The following KMT2E variants were observed in gnomAD, a reference collection of about 807,000 sequenced individuals.
KMT2E encodes the protein histone reader KMT2E.
Under a neutral mutation model 184.6 loss-of-function variants are expected in KMT2E, and 30 were observed. The observed-to-expected ratio is 0.16, with a 90% CI of 0.12 to 0.22. The LOEUF is 0.22. Ranked by LOEUF, KMT2E falls within the 10% of genes least tolerant of loss-of-function variation. The pLI is 1.00. For missense variants in KMT2E, 2,023 were observed against 2,237.4 expected (o/e 0.90, Z 1.93); for synonymous variants, 815 against 776.5 (o/e 1.05, Z -0.82).
At chr7:105,108,705 T>C (rs1799016615) in intron 22 of KMT2E, 2 of 491,018 alleles carry the variant, frequency 4.1e-6, no homozygotes, top group Non-Finnish European at 7.5e-6. Context: ...GGGATGATAA[T>C]ATACCTATTT....
chr7:105,113,142 C>T lies in KMT2E; in HGVS notation c.5386C>T (p.Gln1796Ter), dbSNP rs1799402262. 1.3e-5 allele frequency: 21 copies of T among 1,614,190 alleles called. No individual in the cohort carries two copies. The highest frequency in any genetic ancestry group is 1.8e-5 in the Non-Finnish European group (21 of 1,180,038). Reference protein sequence around the residue: ...CPLPVTGPHLQPQGPNSIPTP... With the variant: ...CPLPVTGPHL ...ATTACCTGTCACAGGTCCTCATCTCCAGCCCCAAGGACCAAACAGTATTCC... is the reference window on the plus strand; with the variant it reads ...ATTACCTGTCACAGGTCCTCATCTCTAGCCCCAAGGACCAAACAGTATTCC... Residue 1796 changes from glutamine (Q) to a stop codon, truncating the protein, a stop_gained, in exon 27 of 27, where the codon CAG becomes TAG. Coordinates refer to ENST00000311117, the MANE Select transcript of KMT2E (RefSeq NM_182931.3). LOFTEE classifies it high-confidence loss of function.
At chr7:105,052,750 T>G (rs1250185654) in intron 3 of KMT2E, among the ~76,000 whole-genome samples, 1 of 151,702 alleles carries the variant, frequency 6.6e-6, no homozygotes, top group Admixed American at 6.6e-5. Flanking sequence ...TTTTTATTTT[T>G]TTTATTTTTA....
chr7:105,041,230 C>A (rs1795865560), intron 3 of KMT2E, among the ~76,000 whole-genome samples: 2 of 151,730 alleles, frequency 1.3e-5, no homozygotes, highest in Admixed American at 1.3e-4. Context: ...ATAGCATTAC[C>A]ACTAATATTC....
At chr7:105,073,082 TTC>T (rs1347554538) in intron 6 of KMT2E, among the ~76,000 whole-genome samples, 1 of 151,684 alleles carries the variant, frequency 6.6e-6, no homozygotes, top group African/African-American at 2.4e-5. Flanking sequence ...GCTTTAAATA[TTC>T]TGTTTGAAAA....
chr7:105,105,247 A>G, intron 17 of KMT2E, 192 bp from the exon 18 acceptor site: 1 of 429,884 alleles, frequency 2.3e-6, no homozygotes, highest in African/African-American at 2.0e-5. Context: ...TAATTGGGTA[A>G]AAAGTTTCAG....
rs542916850 is a variant in KMT2E at position 105,062,196 on chromosome 7, T to C, written c.104T>C (p.Val35Ala). Residue 35 changes from valine (V) to alanine (A), a missense_variant, in exon 4 of 27, where the codon GTT (valine) becomes GCT (alanine). Physicochemically the swap from Val to Ala is moderately conservative, Grantham distance 64. Transcript: ENST00000311117. Reference sequence around the variant, plus strand: ...TCCGTAGAAGCTAGCCCTGTGGTAGTTGAGAAATCCAACAGTTATCCCCAC... The same window carrying C: ...TCCGTAGAAGCTAGCCCTGTGGTAGCTGAGAAATCCAACAGTTATCCCCAC... Reference protein sequence around the residue: ...PESVEASPVVVEKSNSYPHQL... With the variant: ...PESVEASPVVAEKSNSYPHQL... 3.5e-5 allele frequency: 56 copies of C among 1,613,414 alleles called. No homozygotes were observed. In the South Asian group the frequency reaches 5.3e-4, roughly 15 times the overall value.
intron 3 of KMT2E, among the ~76,000 whole-genome samples, chr7:105,055,353 C>T (rs888829343): frequency 1.3e-5 from 2 of 151,464 alleles, no homozygotes; most frequent in Non-Finnish European, 2.9e-5. Context: ...TGTGCCTGGC[C>T]CTCTGTATAG....
intron 15 of KMT2E, among the ~76,000 whole-genome samples, chr7:105,099,135 G>A (rs1040960678): frequency 6.6e-6 from 1 of 152,152 alleles, no homozygotes; most frequent in Non-Finnish European, 1.5e-5. Flanking sequence ...TAGAAAATCA[G>A]GCACGTTTAT....
chr7:105,095,717 C>T (rs1231726420), intron 15 of KMT2E, among the ~76,000 whole-genome samples: 3 of 152,044 alleles, frequency 2.0e-5, no homozygotes, highest in African/African-American at 7.2e-5. Context: ...GGTTATTGTA[C>T]GTTAGGAAAA....
chr7:105,046,175 G>A (rs1050832423), intron 3 of KMT2E, among the ~76,000 whole-genome samples: 3 of 151,440 alleles, frequency 2.0e-5, no homozygotes, highest in East Asian at 1.9e-4. Flanking sequence ...TCTTTCCCTC[G>A]TCCTCTCTAA....
intron 1 of KMT2E, among the ~76,000 whole-genome samples, chr7:105,024,370 A>G (rs1223887547): frequency 6.6e-6 from 1 of 152,234 alleles, no homozygotes; most frequent in African/African-American, 2.4e-5. Context: ...GGCGGAAGGT[A>G]CAAAAACAAG....
intron 1 of KMT2E, among the ~76,000 whole-genome samples, chr7:105,037,155 AT>A: frequency 6.6e-6 from 1 of 152,318 alleles, no homozygotes; most frequent in Non-Finnish European, 1.5e-5. Context: ...CACATCCAAA[AT>A]ATATACATTA....
In KMT2E at chr7:105,109,168, G is replaced by A. The variant is rs530228601; in HGVS notation, c.3695G>A (p.Ser1232Asn). The A allele has an allele frequency of 7.4e-5, 120 of 1,614,098 alleles. 2 individuals carry two copies. In the Middle Eastern group the frequency reaches 1.6e-3, roughly 22 times the overall value. ...TVYNATSEET[S>N]NNCPVKDATA... ...TATAATGCCACTTCTGAAGAAACTAGCAATAACTGCCCTGTTAAGGATGCT... is the reference window on the plus strand; with the variant it reads ...TATAATGCCACTTCTGAAGAAACTAACAATAACTGCCCTGTTAAGGATGCT... Residue 1232 changes from serine to asparagine, a missense_variant, in exon 23 of 27, where the codon AGC (serine) becomes AAC (asparagine). Around this residue, in one of 8 missense-constraint regions of KMT2E, gnomAD observed 1,108 missense variants for 1,050.9 expected, o/e 1.05. Coordinates refer to ENST00000311117, the MANE Select transcript of KMT2E (RefSeq NM_182931.3).
rs187884145 is a variant in KMT2E at position 105,046,823 on chromosome 7, A to G, written c.71+5800A>G. 2.4e-4 allele frequency among the ~76,000 whole-genome samples: 36 copies of G among 152,366 alleles called. 2 individuals are homozygous for G. Among genetic ancestry groups the G allele is most frequent in the African/African-American group, 8.2e-4 (34 of 41,592 alleles). ...TAATATATTCTGAGAAGTTAGGACT[A>G]TGTACAATACAGTTTAACAAAATTG... On this transcript the variant is annotated intron_variant, in intron 3 of 26. Coordinates refer to ENST00000311117, the MANE Select transcript of KMT2E (RefSeq NM_182931.3).
chr7:105,078,459 C>T (rs1323579596), intron 11 of KMT2E, among the ~76,000 whole-genome samples: 2 of 152,048 alleles, frequency 1.3e-5, no homozygotes, highest in Non-Finnish European at 1.5e-5. Context: ...GTTTCTTCAT[C>T]ACTTTGCCTC....
intron 1 of KMT2E, among the ~76,000 whole-genome samples, chr7:105,032,663 G>C (rs1795475657): frequency 6.6e-6 from 1 of 152,016 alleles, no homozygotes; most frequent in African/African-American, 2.4e-5. Context: ...CACTACCCCT[G>C]GCTAATTTTT....
rs1797513850 is a variant in KMT2E, at chr7:105,076,044, C to A, written c.731C>A (p.Ala244Glu). ...ACTAGAATTCCATGTTTATTTTAGG[C>A]ATTTCGTGAAGGATCTAGGAAGTCA... ...KEQHISKCKK[A>E]FREGSRKSSR... is the part of the protein sequence containing the mutation. Residue 244 changes from alanine (A) to glutamate (E), a missense_variant and splice_region_variant, in exon 9 of 27, where the codon GCA becomes GAA. Around this residue, in one of 8 missense-constraint regions of KMT2E, gnomAD observed 191 missense variants for 209.0 expected, o/e 0.91. Transcript: ENST00000311117. The A allele has an allele frequency of 1.9e-6, 3 of 1,594,354 alleles. No individual in the cohort carries two copies. Among genetic ancestry groups the A allele is most frequent in the Non-Finnish European group, 8.6e-7 (1 of 1,162,936 alleles).
chr7:105,100,578 T>C (rs1220953725), intron 15 of KMT2E, among the ~76,000 whole-genome samples: 2 of 152,210 alleles, frequency 1.3e-5, no homozygotes, highest in Admixed American at 1.3e-4. Flanking sequence ...CTTAATGTTC[T>C]CTTTGGATAG....
At chr7:105,033,988 C>T (rs1795531272) in intron 1 of KMT2E, among the ~76,000 whole-genome samples, 1 of 152,106 alleles carries the variant, frequency 6.6e-6, no homozygotes, top group African/African-American at 2.4e-5. Flanking sequence ...CTAATCCAGT[C>T]TTGCCAGAGA....
Sources: gnomAD v4.1 joint callset for allele counts (sites outside exome capture counted in the v4.1 genomes callset) on GRCh38, gnomAD v4.1.1 for gene constraint, gnomAD v4.1.1 regional missense constraint, MANE v1.5 for transcripts, NCBI Gene and HGNC (gene_info 2026-07-23, HGNC 2026-07-21) for gene names.